Variants in IFT81 observed in about 807,000 individuals in gnomAD.
IFT81 encodes the protein intraflagellar transport 81.
In IFT81, 72 loss-of-function variants were observed where a neutral mutation model predicts 102.6. That is an observed-to-expected ratio of 0.70 (90% CI 0.58 to 0.85). IFT81 has a LOEUF of 0.85. IFT81 is among the 40% of genes least tolerant of loss of function. The pLI is 0.00. For synonymous variants in IFT81, 237 were observed against 242.7 expected (o/e 0.98, Z 0.22); for missense variants, 723 against 787.3 (o/e 0.92, Z 0.98).
chr12:110,208,528 C>T (rs1868987367), intron 17 of IFT81, among the ~76,000 whole-genome samples: 1 of 152,060 alleles, frequency 6.6e-6, no homozygotes, highest in African/African-American at 2.4e-5. Context: ...AAAGATTAAA[C>T]TACATATGCT....
chr12:110,217,282 T>G (rs987870610), intron 18 of IFT81, among the ~76,000 whole-genome samples: 3 of 152,112 alleles, frequency 2.0e-5, no homozygotes, highest in South Asian at 2.1e-4. Context: ...TAACCTCAAG[T>G]GATCTATCCG....
intron 8 of IFT81, among the ~76,000 whole-genome samples, chr12:110,138,433 AT>A (rs1226824135): frequency 0.013 from 1,890 of 142,152 alleles, 5 homozygotes; most frequent in African/African-American, 0.015. Flanking sequence ...GAGGTTAATC[AT>A]TTTTTTTTTT....
intron 9 of IFT81, 38 bp from the exon 10 acceptor site, chr12:110,146,915 A>G: frequency 6.3e-7 from 1 of 1,574,880 alleles, no homozygotes; most frequent in Non-Finnish European, 8.6e-7. Context: ...TTATAGGGAA[A>G]GTTTTAACTT....
Position 110,127,451 on chromosome 12 carries a change from T to C in IFT81, c.71T>C (p.Ile24Thr). Residue 24 changes from isoleucine (I) to threonine (T), a missense_variant, in exon 2 of 19, where the codon ATC (isoleucine) becomes ACC (threonine). Physicochemically the swap from Ile to Thr is moderately conservative, Grantham distance 89. Transcript: ENST00000242591. ...CCCTTTAGGAAGAACTATAATTTAA[T>C]CACGTTTGATTCCTTGGAGCCAATG... ...KEPFRKNYNL[I>T]TFDSLEPMQL... 1 of 1,609,616 alleles carries C rather than the reference T, an allele frequency of 6.2e-7. No individual in the cohort carries two copies. Among genetic ancestry groups the C allele is most frequent in the Non-Finnish European group, 8.5e-7 (1 of 1,178,012 alleles).
intron 11 of IFT81, among the ~76,000 whole-genome samples, chr12:110,170,114 G>A (rs1167095142): frequency 1.3e-5 from 2 of 151,732 alleles, no homozygotes; most frequent in Non-Finnish European, 1.5e-5. Flanking sequence ...CACCATGCCC[G>A]GCTAATTTTT....
At chr12:110,198,965 C>T (rs536811227) in intron 14 of IFT81, among the ~76,000 whole-genome samples, 4 of 151,946 alleles carry the variant, frequency 2.6e-5, no homozygotes, top group Admixed American at 1.3e-4. Context: ...ATGCGCACCA[C>T]GCCTGGCTAA....
At chr12:110,173,104 C>A (rs1302388981) in intron 11 of IFT81, among the ~76,000 whole-genome samples, 11 of 140,012 alleles carry the variant, frequency 7.9e-5, no homozygotes, top group Non-Finnish European at 1.4e-4. Flanking sequence ...CCGCCCCATC[C>A]GGGAGGGAGG....
intron 18 of IFT81, among the ~76,000 whole-genome samples, chr12:110,212,532 T>G: frequency 7.2e-6 from 1 of 139,766 alleles, no homozygotes. Context: ...AGTGAAACTG[T>G]GTCTTAAAAA....
At chr12:110,163,422 G>T (rs549683901) in intron 11 of IFT81, among the ~76,000 whole-genome samples, 1 of 151,836 alleles carries the variant, frequency 6.6e-6, no homozygotes, top group African/African-American at 2.4e-5. Context: ...TGTATTTTTA[G>T]TAGAGACAGA....
At chr12:110,198,628 C>A (rs1266751496) in intron 14 of IFT81, among the ~76,000 whole-genome samples, 1 of 152,010 alleles carries the variant, frequency 6.6e-6, no homozygotes, top group African/African-American at 2.4e-5. Context: ...CCTGTTACTT[C>A]ATCTCACTTT....
At chr12:110,136,889 T>C in intron 8 of IFT81, 29 bp downstream of exon 8, 1 of 1,329,310 alleles carries the variant, frequency 7.5e-7, no homozygotes, top group Non-Finnish European at 1.1e-6. Context: ...ATGGTATAGA[T>C]GATTAGAAAA....
chr12:110,213,490 G>A (rs975052679), intron 18 of IFT81, among the ~76,000 whole-genome samples: 5 of 152,140 alleles, frequency 3.3e-5, no homozygotes, highest in Non-Finnish European at 5.9e-5. Context: ...TCTATCAGGA[G>A]GCTTTCTTCT....
At chr12:110,173,339 T>TG (rs1249062039) in intron 11 of IFT81, among the ~76,000 whole-genome samples, 9 of 109,110 alleles carry the variant, frequency 8.2e-5, no homozygotes, top group African/African-American at 1.9e-4. Flanking sequence ...GGGAGGGAGG[T>TG]GGGGGGGTCA....
intron 9 of IFT81, among the ~76,000 whole-genome samples, chr12:110,144,700 G>A (rs369461910): frequency 7.2e-6 from 1 of 138,228 alleles, no homozygotes. Flanking sequence ...TAGTAGAGAC[G>A]GGGTTTTGCC....
chr12:110,179,215 C>T (rs1055192434), intron 11 of IFT81, among the ~76,000 whole-genome samples: 8 of 151,988 alleles, frequency 5.3e-5, no homozygotes, highest in African/African-American at 1.5e-4. Context: ...TTGATGGTTC[C>T]GGTTGGCTAT....
intron 10 of IFT81, among the ~76,000 whole-genome samples, chr12:110,160,275 A>C (rs1191566675): frequency 1.3e-5 from 2 of 152,180 alleles, no homozygotes; most frequent in Non-Finnish European, 2.9e-5. Flanking sequence ...GGAGAAAGAG[A>C]AAATCCAATA....
intron 12 of IFT81, among the ~76,000 whole-genome samples, chr12:110,182,963 T>C (rs1177323323): frequency 6.6e-6 from 1 of 152,200 alleles, no homozygotes; most frequent in Admixed American, 6.5e-5. Context: ...GTTTAAGGTG[T>C]ACACCCCATC....
At chr12:110,128,385 T>C (rs1893967037) in intron 3 of IFT81, among the ~76,000 whole-genome samples, 1 of 149,678 alleles carries the variant, frequency 6.7e-6, no homozygotes, top group African/African-American at 2.5e-5. Flanking sequence ...TTTTATCCTT[T>C]ATCTGCCATC....
At chr12:110,126,362 G>T (rs1429346057) in intron 1 of IFT81, among the ~76,000 whole-genome samples, 2 of 152,112 alleles carry the variant, frequency 1.3e-5, no homozygotes, top group East Asian at 3.9e-4. Flanking sequence ...TGAAGGACAG[G>T]TGTTGGCACT....
Sources: allele counts gnomAD v4.1 joint callset (sites outside exome capture counted in the v4.1 genomes callset), GRCh38; gene constraint gnomAD v4.1.1; transcripts MANE v1.5; gene names NCBI Gene and HGNC (gene_info 2026-07-23, HGNC 2026-07-21).